Variants in NPLOC4 observed in about 807,000 individuals in gnomAD.
NPLOC4 encodes NPL4 homolog, ubiquitin recognition factor, also known as nuclear protein localization protein 4 homolog.
Under a neutral mutation model 80.6 loss-of-function variants are expected in NPLOC4, and 18 were observed. That is an observed-to-expected ratio of 0.22 (90% confidence interval 0.15 to 0.33). NPLOC4 has a LOEUF of 0.33. Among genes scored for constraint, NPLOC4 ranks in the 10% least tolerant of loss-of-function variants. The pLI, the probability that NPLOC4 is intolerant of heterozygous loss-of-function variation, is 1.00. For missense variants in NPLOC4, 540 were observed against 786.1 expected (o/e 0.69, Z 3.74); for synonymous variants, 313 against 301.5 (o/e 1.04, Z -0.39).
Position 81,566,190 on chromosome 17 carries a change from GGC to G in NPLOC4, c.1567-585_1567-584del, listed in dbSNP as rs1203871932. Among the ~76,000 whole-genome samples the G allele has an allele frequency of 2.0e-5, 3 of 152,288 alleles. No individual in the cohort carries two copies. The East Asian group carries it at 5.8e-4, about 29-fold the overall frequency. ...CTACTAAAAATACAACAATTAGACA[GGC>G]GTGGTTGCGGGCACCTGTAATCCCA... On this transcript the variant is annotated intron_variant, in intron 15 of 16. Coordinates refer to ENST00000331134, the MANE Select transcript of NPLOC4 (RefSeq NM_017921.4).
At chr17:81,635,895 A>G (rs2036054624) in intron 1 of NPLOC4, among the ~76,000 whole-genome samples, 1 of 149,198 alleles carries the variant, frequency 6.7e-6, no homozygotes, top group Non-Finnish European at 1.5e-5. Flanking sequence ...TTTTGGGAAG[A>G]AACTTCTCAC....
chr17:81,636,846 C>A (rs1170582976), intron 1 of NPLOC4, 70 bp downstream of exon 1: 13 of 1,344,206 alleles, frequency 9.7e-6, no homozygotes, highest in Middle Eastern at 5.2e-4. Context: ...CCGCCTCCCC[C>A]ACAGGCCGAG....
At chr17:81,607,461 G>A (rs938087712) in intron 6 of NPLOC4, among the ~76,000 whole-genome samples, 2 of 151,028 alleles carry the variant, frequency 1.3e-5, no homozygotes, top group African/African-American at 4.9e-5. Context: ...AAATAAAAAC[G>A]ATATATTTAC....
chr17:81,601,184 C>A (rs2035048740), intron 8 of NPLOC4, among the ~76,000 whole-genome samples: 1 of 152,148 alleles, frequency 6.6e-6, no homozygotes, highest in South Asian at 2.1e-4. Context: ...TATGCAGAAA[C>A]CCCAGCCATA....
At chr17:81,598,267 A>G (rs2034974065) in intron 9 of NPLOC4, among the ~76,000 whole-genome samples, 1 of 152,104 alleles carries the variant, frequency 6.6e-6, no homozygotes, top group Admixed American at 6.6e-5. Flanking sequence ...ATCTCTGTTC[A>G]GTAGAAACTG....
At chr17:81,591,994 G>A (rs1004751060) in intron 11 of NPLOC4, among the ~76,000 whole-genome samples, 2 of 152,208 alleles carry the variant, frequency 1.3e-5, no homozygotes, top group African/African-American at 4.8e-5. Flanking sequence ...GGGACCCTCA[G>A]GGTCACTCGA....
intron 12 of NPLOC4, among the ~76,000 whole-genome samples, chr17:81,576,637 G>C (rs2034310408): frequency 8.9e-6 from 1 of 112,276 alleles, no homozygotes; most frequent in South Asian, 2.6e-4. Context: ...AAAAGACAAA[G>C]AACGAAAACC....
At chr17:81,605,544 AG>A (rs1182455985) in intron 7 of NPLOC4, among the ~76,000 whole-genome samples, 1 of 151,444 alleles carries the variant, frequency 6.6e-6, no homozygotes, top group Non-Finnish European at 1.5e-5. Context: ...GCTACTCCGG[AG>A]GCTGAGGCAA....
intron 7 of NPLOC4, 57 bp from the exon 8 acceptor site, chr17:81,604,784 G>A (rs2035154627): frequency 6.9e-7 from 1 of 1,444,904 alleles, no homozygotes. Context: ...GAAATCACTT[G>A]TTTTTCTAAC....
In NPLOC4 at chr17:81,586,085, G is replaced by C. The variant is rs533557039; in HGVS notation, c.1281+2859C>G. ...AGGTCACTTGAGATCAGGAGTTCGA[G>C]ACCAGCCTGCCCAACGGGGTAGGAG... On this transcript the variant is annotated intron_variant, in intron 12 of 16. Transcript: ENST00000331134. 3.3e-5 allele frequency among the ~76,000 whole-genome samples: 5 copies of C among 152,294 alleles called. No individual in the cohort carries two copies. In the East Asian group the frequency reaches 9.6e-4, roughly 29 times the overall value.
Position 81,589,922 on chromosome 17 carries a change from A to C in NPLOC4, c.1121-818T>G, listed in dbSNP as rs1447198168. Among the ~76,000 whole-genome samples the C allele has an allele frequency of 1.3e-5, 2 of 152,008 alleles. 1 individual carries two copies. Among genetic ancestry groups the C allele is most frequent in the Non-Finnish European group, 2.9e-5 (2 of 68,014 alleles). Reference sequence around the variant, plus strand: ...TAAAACCAGGCTTAGTGTCATCAGCACTTGGGCTCCTGGTTCATAATAACA... The same window carrying C: ...TAAAACCAGGCTTAGTGTCATCAGCCCTTGGGCTCCTGGTTCATAATAACA... On this transcript the variant is annotated intron_variant, in intron 11 of 16. Transcript: ENST00000331134.
chr17:81,591,840 A>C (rs1209072219), intron 11 of NPLOC4, among the ~76,000 whole-genome samples: 1 of 152,214 alleles, frequency 6.6e-6, no homozygotes, highest in Non-Finnish European at 1.5e-5. Flanking sequence ...GCTGCTATTG[A>C]ATCTGAATGC....
intron 3 of NPLOC4, among the ~76,000 whole-genome samples, chr17:81,618,820 G>C (rs942006116): frequency 2.0e-5 from 3 of 151,792 alleles, no homozygotes; most frequent in African/African-American, 7.3e-5. Flanking sequence ...CTGTGTAGAA[G>C]GAAGTAGACA....
chr17:81,618,266 G>A (rs561466161), intron 3 of NPLOC4, among the ~76,000 whole-genome samples: 6 of 150,704 alleles, frequency 4.0e-5, no homozygotes, highest in South Asian at 4.2e-4. Flanking sequence ...GTCTCTGCCC[G>A]GCCGCCCATC....
rs766015694 is a variant in NPLOC4, at chr17:81,613,330, C to T, written c.374G>A (p.Arg125Gln). ...SKQDGKIYRS[R>Q]DPQLCRHGPL... The stretch of plus-strand genomic sequence containing the variant: ...ATGGATCACTTACAGCTGTGGGTCT[C>T]GGCTTCTGTAAATCTTCCCGTCCTG... Residue 125 changes from arginine (R) to glutamine (Q), a missense_variant, in exon 4 of 17, where the codon CGA becomes CAA. Transcript: ENST00000331134. The T allele has an allele frequency of 2.2e-5, 35 of 1,613,472 alleles. 1 individual carries two copies. Among genetic ancestry groups the T allele is most frequent in the Admixed American group, 1.8e-4 (11 of 59,900 alleles).
intron 16 of NPLOC4, among the ~76,000 whole-genome samples, chr17:81,561,057 A>C (rs1291389653): frequency 6.6e-6 from 1 of 152,084 alleles, no homozygotes; most frequent in Non-Finnish European, 1.5e-5. Context: ...TCCTGGGTTC[A>C]AGCGATTCTC....
At chr17:81,563,481 G>C in intron 16 of NPLOC4, 1 of 159,962 alleles carries the variant, frequency 6.3e-6, no homozygotes, top group South Asian at 1.6e-4. Flanking sequence ...GATGCAGGAG[G>C]ATCGCTTGAG....
At position 81,608,715 on chromosome 17, in the gene NPLOC4, G is replaced by C. The variant is rs749248661; in HGVS notation, c.530+13C>G. 4 of 1,565,484 alleles carry C rather than the reference G, an allele frequency of 2.6e-6. No homozygotes were observed. The African/African-American group carries it at 5.4e-5, about 21-fold the overall frequency. On this transcript the variant is annotated intron_variant, in intron 6 of 16. Transcript: ENST00000331134. ...GGAATTTACGCACAACCAGGTTACA[G>C]CAAGTTGCTTACTTGTCAGCCCCTC...
intron 11 of NPLOC4, among the ~76,000 whole-genome samples, chr17:81,591,507 T>C (rs773386518): frequency 3.5e-5 from 4 of 115,680 alleles, no homozygotes; most frequent in Non-Finnish European, 7.4e-5. Flanking sequence ...ATTAACACGA[T>C]AGGTCATTCA....
Sources: allele counts gnomAD v4.1 joint callset (sites outside exome capture counted in the v4.1 genomes callset), GRCh38; gene constraint gnomAD v4.1.1; transcripts MANE v1.5; gene names NCBI Gene and HGNC (gene_info 2026-07-23, HGNC 2026-07-21).